The following DACH2 variants were observed in gnomAD, a reference collection of about 807,000 sequenced individuals.
DACH2 encodes dachshund homolog 2.
In DACH2, 17 loss-of-function variants were observed where a neutral mutation model predicts 35.8. The observed-to-expected ratio is 0.48, with a 90% CI of 0.33 to 0.71. The LOEUF (loss-of-function observed/expected upper bound fraction) is 0.71, where lower values mean the gene tolerates loss of function less well. Among genes scored for constraint, DACH2 ranks in the 30% least tolerant of loss-of-function variants. DACH2 has a pLI of 0.02. For missense variants in DACH2, 469 were observed against 472.7 expected (o/e 0.99, Z 0.07); for synonymous variants, 195 against 177.3 (o/e 1.10, Z -0.79).
intron 2 of DACH2, among the ~76,000 whole-genome samples, chrX:86,450,538 T>A (rs1440273150): frequency 9.0e-6 from 1 of 111,385 alleles, no homozygotes; most frequent in East Asian, 2.8e-4. Context: ...AACATACACA[T>A]GCATGTATCC....
At chrX:86,300,293 A>G (rs1360877196) in intron 1 of DACH2, among the ~76,000 whole-genome samples, 1 of 112,048 alleles carries the variant, frequency 8.9e-6, no homozygotes, top group African/African-American at 3.2e-5. Context: ...TTTCATACTG[A>G]TAAAGTTGGG....
intron 3 of DACH2, among the ~76,000 whole-genome samples, chrX:86,572,406 A>G (rs2039382851): frequency 9.0e-6 from 1 of 111,716 alleles, no homozygotes; most frequent in Admixed American, 9.5e-5. Flanking sequence ...CTATGAGCTC[A>G]CTAGATTCAG....
chrX:86,694,571 G>A (rs1248953377), intron 4 of DACH2, among the ~76,000 whole-genome samples: 1 of 112,155 alleles, frequency 8.9e-6, no homozygotes, highest in African/African-American at 3.2e-5. Flanking sequence ...AGTGACCTGA[G>A]AAGAAAAGAT....
At chrX:86,174,873 G>C (rs759456476) in intron 1 of DACH2, among the ~76,000 whole-genome samples, 3 of 110,999 alleles carry the variant, frequency 2.7e-5, no homozygotes, top group South Asian at 3.9e-4. Flanking sequence ...TGTAGAGAAA[G>C]AGGTCTTGCT....
intron 7 of DACH2, among the ~76,000 whole-genome samples, chrX:86,752,420 GAT>G (rs748504632): frequency 6.3e-5 from 7 of 110,849 alleles, no homozygotes; most frequent in Admixed American, 1.9e-4. Flanking sequence ...TAAATAAATA[GAT>G]ATATATATAC....
At chrX:86,230,573 C>A (rs2032927212) in intron 1 of DACH2, among the ~76,000 whole-genome samples, 1 of 111,244 alleles carries the variant, frequency 9.0e-6, no homozygotes, top group South Asian at 3.8e-4. Context: ...ACCAATTTTT[C>A]TTTGAATGTC....
intron 2 of DACH2, among the ~76,000 whole-genome samples, chrX:86,401,894 G>C (rs190508032): frequency 1.8e-5 from 2 of 111,639 alleles, no homozygotes; most frequent in East Asian, 5.6e-4. Context: ...TACACATCAA[G>C]AAATGTGATT....
At chrX:86,307,183 A>T (rs1038936053) in intron 1 of DACH2, among the ~76,000 whole-genome samples, 1 of 111,377 alleles carries the variant, frequency 9.0e-6, no homozygotes, top group Admixed American at 9.6e-5. Flanking sequence ...AAAATGATGA[A>T]CTCAAGGATT....
intron 1 of DACH2, among the ~76,000 whole-genome samples, chrX:86,231,463 G>C (rs1386223676): frequency 9.1e-6 from 1 of 110,372 alleles, no homozygotes; most frequent in Non-Finnish European, 1.9e-5. Flanking sequence ...CTGCTGTGGG[G>C]GGTGGGGGTG....
Position 86,624,070 on chromosome X carries a change from A to C in DACH2, c.641-26966A>C, listed in dbSNP as rs1489398768. Among the ~76,000 whole-genome samples the C allele has an allele frequency of 1.9e-4, 18 of 94,875 alleles. 1 individual carries two copies. Among genetic ancestry groups the C allele is most frequent in the Non-Finnish European group, 3.3e-4 (15 of 45,760 alleles). The allele number at this position is 94,875 out of a possible 115,157, so 82.4% of individuals were successfully genotyped here. On this transcript the variant is annotated intron_variant, in intron 3 of 11. Transcript: ENST00000373125. Reference sequence around the variant, plus strand: ...CTCAAAAAAACAAAACAAAAAAAAAAAAAAAAAAAAAAGTGGCTGTGCAGT... The same window carrying C: ...CTCAAAAAAACAAAACAAAAAAAAACAAAAAAAAAAAAGTGGCTGTGCAGT...
intron 2 of DACH2, among the ~76,000 whole-genome samples, chrX:86,385,169 G>A (rs1264581484): frequency 9.0e-6 from 1 of 111,313 alleles, no homozygotes; most frequent in Non-Finnish European, 1.9e-5. Context: ...AAATGGTGAC[G>A]TTATATGCTT....
intron 2 of DACH2, among the ~76,000 whole-genome samples, chrX:86,473,140 G>A (rs910569589): frequency 1.8e-5 from 2 of 111,053 alleles, no homozygotes; most frequent in African/African-American, 6.5e-5. Context: ...CACCACAAGC[G>A]TTTATCCTTT....
intron 3 of DACH2, among the ~76,000 whole-genome samples, chrX:86,591,335 C>T (rs1267171850): frequency 9.0e-6 from 1 of 111,235 alleles, no homozygotes; most frequent in Non-Finnish European, 1.9e-5. Flanking sequence ...TGGGTATACA[C>T]CCAGTAATGG....
chrX:86,554,523 A>T (rs531893962), intron 3 of DACH2, among the ~76,000 whole-genome samples: 4 of 111,916 alleles, frequency 3.6e-5, no homozygotes, highest in African/African-American at 1.3e-4. Flanking sequence ...GTCATATATT[A>T]TTCTAATTAT....
chrX:86,281,141 T>C (rs1413528567), intron 1 of DACH2, among the ~76,000 whole-genome samples: 3 of 111,486 alleles, frequency 2.7e-5, no homozygotes, highest in Non-Finnish European at 5.6e-5. Flanking sequence ...ATCAACAGAA[T>C]ATACATTCTT....
At chrX:86,427,530 G>T in intron 2 of DACH2, among the ~76,000 whole-genome samples, 1 of 111,009 alleles carries the variant, frequency 9.0e-6, no homozygotes, top group South Asian at 3.7e-4. Context: ...CCGCAATCTC[G>T]GAAGTATTTC....
At chrX:86,797,222 G>A (rs1402625608) in intron 7 of DACH2, among the ~76,000 whole-genome samples, 1 of 110,778 alleles carries the variant, frequency 9.0e-6, no homozygotes, top group Non-Finnish European at 1.9e-5. Flanking sequence ...GTCACTGGAA[G>A]TTGAGAACTG....
chrX:86,161,313 A>G (rs980762636), intron 1 of DACH2: 2 of 1,167,532 alleles, frequency 1.7e-6, no homozygotes, highest in Admixed American at 2.3e-5. Flanking sequence ...AGCAACAATC[A>G]GGACAGCACA....
At chrX:86,722,257 A>AT (rs750186114) in intron 6 of DACH2, among the ~76,000 whole-genome samples, 4 of 111,476 alleles carry the variant, frequency 3.6e-5, no homozygotes, top group African/African-American at 6.5e-5. Context: ...GGGAAGTTGG[A>AT]TTTTTTTTAA....
Sources: gnomAD v4.1 joint callset for allele counts (sites outside exome capture counted in the v4.1 genomes callset) on GRCh38, gnomAD v4.1.1 for gene constraint, MANE v1.5 for transcripts, NCBI Gene and HGNC (gene_info 2026-07-23, HGNC 2026-07-21) for gene names.